The following RNF152 variants were observed in gnomAD, a reference collection of about 807,000 sequenced individuals.
RNF152 encodes E3 ubiquitin-protein ligase RNF152.
A neutral mutation model predicts 12.7 loss-of-function variants in RNF152; 11 were observed. That is an observed-to-expected ratio of 0.86 (90% CI 0.54 to 1.43). The LOEUF (loss-of-function observed/expected upper bound fraction) is 1.43, where lower values mean the gene tolerates loss of function less well. RNF152 is among the 40% of genes most tolerant of loss of function. The probability of loss-of-function intolerance (pLI) is 0.00; values close to 1 mark genes in which losing one functional copy is unlikely to be tolerated. For synonymous variants in RNF152, 113 were observed against 120.3 expected (o/e 0.94, Z 0.40); for missense variants, 255 against 274.8 (o/e 0.93, Z 0.51).
chr18:61,827,187 C>T (rs111906467), intron 1 of RNF152, among the ~76,000 whole-genome samples: 63 of 152,274 alleles, frequency 4.1e-4, no homozygotes, highest in African/African-American at 1.5e-3. Flanking sequence ...CTTTGCATAG[C>T]TATAGCAGGC....
chr18:61,870,917 T>C (rs1173726001), intron 1 of RNF152, among the ~76,000 whole-genome samples: 1 of 152,118 alleles, frequency 6.6e-6, no homozygotes, highest in Non-Finnish European at 1.5e-5. Flanking sequence ...AGCCCAGCTG[T>C]CTAGATAATG....
In RNF152 at chr18:61,816,151, G is replaced by C; in HGVS notation, c.313C>G (p.Pro105Ala). ...PSNGCYMLPL[P>A]ISKERALLPG... ...AGCAGCGCACGCTCCTTGGAGATGGGCAGGGGCAGCATGTAGCACCCATTG... is the reference window on the plus strand; with the variant it reads ...AGCAGCGCACGCTCCTTGGAGATGGCCAGGGGCAGCATGTAGCACCCATTG... Residue 105 changes from proline to alanine, a missense_variant, in exon 2 of 2, where the codon CCC (proline) becomes GCC (alanine). Transcript: ENST00000312828. The C allele has an allele frequency of 6.2e-7, 1 of 1,614,218 alleles. No individual in the cohort carries two copies. The highest frequency in any genetic ancestry group is 8.5e-7 in the Non-Finnish European group (1 of 1,180,032).
rs995173714 is a variant in RNF152 at position 61,811,826 on chromosome 18, C to T, written c.*4026G>A. 8.5e-5 allele frequency: 13 copies of T among 152,106 alleles called. No individual in the cohort carries two copies. The highest frequency in any genetic ancestry group is 4.1e-4 in the South Asian group (2 of 4,826). The allele number at this position is 152,106 out of a possible 1,614,324, so 9.4% of individuals were successfully genotyped here. On this transcript the variant is annotated 3_prime_UTR_variant, in exon 2 of 2. Transcript: ENST00000312828. Reference sequence around the variant, plus strand: ...GATCATGCATAGCTTGCAAGTCAAACGTTTTACAGGTACTGTCTAACTACT... The same window carrying T: ...GATCATGCATAGCTTGCAAGTCAAATGTTTTACAGGTACTGTCTAACTACT...
intron 1 of RNF152, among the ~76,000 whole-genome samples, chr18:61,848,410 T>C (rs1417430964): frequency 6.6e-6 from 1 of 152,084 alleles, no homozygotes; most frequent in Non-Finnish European, 1.5e-5. Flanking sequence ...ATATGTCAAA[T>C]ATAATCAAAG....
chr18:61,852,402 T>C (rs1911023431), intron 1 of RNF152, among the ~76,000 whole-genome samples: 1 of 152,202 alleles, frequency 6.6e-6, no homozygotes, highest in Non-Finnish European at 1.5e-5. Flanking sequence ...GTGCTGAACA[T>C]ACTCAAGAGT....
intron 1 of RNF152, among the ~76,000 whole-genome samples, chr18:61,839,885 T>C (rs1363434231): frequency 6.6e-6 from 1 of 152,178 alleles, no homozygotes; most frequent in Non-Finnish European, 1.5e-5. Flanking sequence ...CCATCATTCT[T>C]TGAGCACTGC....
intron 1 of RNF152, among the ~76,000 whole-genome samples, chr18:61,880,637 A>T (rs1912421315): frequency 6.6e-6 from 1 of 152,220 alleles, no homozygotes. Context: ...TTTGGTTGTC[A>T]TGAAATACAT....
chr18:61,874,265 A>C (rs369869989), intron 1 of RNF152, among the ~76,000 whole-genome samples: 133 of 152,364 alleles, frequency 8.7e-4, no homozygotes, highest in African/African-American at 3.1e-3. Context: ...AAAGAGAAGA[A>C]TCCATCAAGG....
At chr18:61,892,317 G>A (rs1405123584) in intron 1 of RNF152, among the ~76,000 whole-genome samples, 2 of 152,120 alleles carry the variant, frequency 1.3e-5, no homozygotes, top group African/African-American at 4.8e-5. Context: ...TACAATGAAG[G>A]AACAGAAGAA....
intron 1 of RNF152, among the ~76,000 whole-genome samples, chr18:61,838,415 C>T (rs1418852967): frequency 6.6e-6 from 1 of 152,220 alleles, no homozygotes; most frequent in Non-Finnish European, 1.5e-5. Flanking sequence ...ACGGAGGAGT[C>T]ATACTTACAT....
chr18:61,870,802 C>A (rs1393912723), intron 1 of RNF152, among the ~76,000 whole-genome samples: 1 of 152,116 alleles, frequency 6.6e-6, no homozygotes, highest in Non-Finnish European at 1.5e-5. Flanking sequence ...AAACAGCATC[C>A]CTGTTTCTCT....
At chr18:61,893,552 G>A (rs1913061620), upstream of RNF152, 1 of 152,450 alleles carries the variant, frequency 6.6e-6, no homozygotes, top group Non-Finnish European at 1.5e-5. Flanking sequence ...TCCTGCCGCT[G>A]TCCTTCCAGG....
intron 1 of RNF152, among the ~76,000 whole-genome samples, chr18:61,843,212 G>A (rs958196390): frequency 4.3e-4 from 65 of 152,090 alleles, no homozygotes; most frequent in African/African-American, 1.3e-3. Context: ...TTTTCAACTC[G>A]TGCACACCCT....
chr18:61,842,632 C>A (rs552207877), intron 1 of RNF152, among the ~76,000 whole-genome samples: 2 of 152,188 alleles, frequency 1.3e-5, no homozygotes, highest in East Asian at 1.9e-4. Flanking sequence ...TCTATTTTTG[C>A]GCTGCTGATA....
chr18:61,837,572 T>C (rs1910244587), intron 1 of RNF152, among the ~76,000 whole-genome samples: 1 of 152,212 alleles, frequency 6.6e-6, no homozygotes, highest in Non-Finnish European at 1.5e-5. Context: ...AGTATTTTTT[T>C]AATTACTATG....
At chr18:61,831,011 C>T (rs1262748356) in intron 1 of RNF152, among the ~76,000 whole-genome samples, 1 of 152,136 alleles carries the variant, frequency 6.6e-6, no homozygotes, top group Non-Finnish European at 1.5e-5. Context: ...TTCACCAAGT[C>T]TATTATTAGA....
chr18:61,886,322 T>C (rs992912423), intron 1 of RNF152, among the ~76,000 whole-genome samples: 4 of 152,226 alleles, frequency 2.6e-5, no homozygotes, highest in African/African-American at 9.6e-5. Flanking sequence ...GATTTGTTTA[T>C]TGAGCCCTTC....
Position 61,814,511 on chromosome 18 carries a change from T to C in RNF152, c.*1341A>G, listed in dbSNP as rs1440876986. 6.6e-6 allele frequency: 1 copy of C among 152,246 alleles called. No individual in the cohort carries two copies. The highest frequency in any genetic ancestry group is 1.5e-5 in the Non-Finnish European group (1 of 68,050). The allele number at this position is 152,246 out of a possible 1,614,324, so 9.4% of individuals were successfully genotyped here. A position where few individuals can be genotyped will look rare whatever the true frequency, so the allele number is the denominator to read the frequency against. On this transcript the variant is annotated 3_prime_UTR_variant, in exon 2 of 2. Transcript: ENST00000312828. ...ATCACGTACTTGTAGCAGATCTTTCTTCATGAGCATCTATAGATCATTACA... is the reference window on the plus strand; with the variant it reads ...ATCACGTACTTGTAGCAGATCTTTCCTCATGAGCATCTATAGATCATTACA...
chr18:61,840,767 T>C (rs1910415592), intron 1 of RNF152, among the ~76,000 whole-genome samples: 1 of 152,202 alleles, frequency 6.6e-6, no homozygotes, highest in Non-Finnish European at 1.5e-5. Context: ...CAATAGTCCA[T>C]CTTTCCCTAC....
Sources: gnomAD v4.1 joint callset for allele counts (sites outside exome capture counted in the v4.1 genomes callset) on GRCh38, gnomAD v4.1.1 for gene constraint, MANE v1.5 for transcripts, NCBI Gene and HGNC (gene_info 2026-07-23, HGNC 2026-07-21) for gene names.